Variants in ITFG1 observed in about 807,000 individuals in gnomAD.
The protein encoded by ITFG1 is T-cell immunomodulatory protein.
In ITFG1, 34 loss-of-function variants were observed where a neutral mutation model predicts 81.8. The ratio of observed to expected loss-of-function variants is 0.42; its 90% CI spans 0.32 to 0.55. ITFG1 has a LOEUF of 0.55. Ranked by LOEUF, ITFG1 falls within the 20% of genes least tolerant of loss-of-function variation. The probability of loss-of-function intolerance (pLI) is 0.17; values close to 1 mark genes in which losing one functional copy is unlikely to be tolerated. For synonymous variants in ITFG1, 285 were observed against 270.6 expected (o/e 1.05, Z -0.52); for missense variants, 672 against 755.4 (o/e 0.89, Z 1.29).
intron 16 of ITFG1, 54 bp from the exon 17 acceptor site, chr16:47,159,044 A>C: frequency 1.0e-6 from 1 of 986,560 alleles, no homozygotes; most frequent in Non-Finnish European, 1.5e-6. Context: ...AAAAATAACA[A>C]AGTTATATTG....
chr16:47,443,093 G>A (rs2151615428), intron 5 of ITFG1, among the ~76,000 whole-genome samples: 1 of 152,264 alleles, frequency 6.6e-6, no homozygotes, highest in Middle Eastern at 3.4e-3. Flanking sequence ...CAAAGGGCAT[G>A]AACAGACACT....
At chr16:47,310,798 AATTATTACACTT>A (rs1198553306) in intron 10 of ITFG1, among the ~76,000 whole-genome samples, 4 of 152,222 alleles carry the variant, frequency 2.6e-5, no homozygotes, top group African/African-American at 9.6e-5. Flanking sequence ...ACAGAGGTAC[AATTATTACACTT>A]ATTTCACACA....
At chr16:47,337,805 G>C (rs1004417705) in intron 8 of ITFG1, among the ~76,000 whole-genome samples, 1 of 152,230 alleles carries the variant, frequency 6.6e-6, no homozygotes, top group African/African-American at 2.4e-5. Context: ...AGGGCAAGAT[G>C]TGTGCTCAGA....
At chr16:47,376,385 A>G (rs919103864) in intron 6 of ITFG1, among the ~76,000 whole-genome samples, 4 of 152,204 alleles carry the variant, frequency 2.6e-5, no homozygotes, top group Non-Finnish European at 5.9e-5. Flanking sequence ...TTTTGCACTC[A>G]TGTTAAATGA....
At chr16:47,168,877 T>C (rs1009799180) in intron 14 of ITFG1, among the ~76,000 whole-genome samples, 1 of 152,184 alleles carries the variant, frequency 6.6e-6, no homozygotes, top group Non-Finnish European at 1.5e-5. Context: ...CCTTGATCCA[T>C]GAGTTAATTA....
chr16:47,295,965 C>T (rs1288711844), intron 10 of ITFG1, among the ~76,000 whole-genome samples: 2 of 152,176 alleles, frequency 1.3e-5, no homozygotes, highest in Non-Finnish European at 2.9e-5. Context: ...GTGGCACAAT[C>T]GTGACTTATT....
chr16:47,456,399 G>C (rs1201993488), intron 2 of ITFG1, among the ~76,000 whole-genome samples: 1 of 152,118 alleles, frequency 6.6e-6, no homozygotes, highest in African/African-American at 2.4e-5. Flanking sequence ...ACTTTTAAGA[G>C]TGGGTAGATG....
intron 12 of ITFG1, among the ~76,000 whole-genome samples, chr16:47,240,759 C>T (rs957763329): frequency 1.3e-5 from 2 of 152,112 alleles, no homozygotes; most frequent in Admixed American, 6.5e-5. Context: ...TATGGATGAA[C>T]CCTGAAGGCA....
intron 10 of ITFG1, among the ~76,000 whole-genome samples, chr16:47,310,362 C>T (rs559057975): frequency 5.3e-5 from 8 of 151,948 alleles, no homozygotes; most frequent in Admixed American, 3.9e-4. Context: ...GTAATTCTAG[C>T]GTCAACAAAT....
intron 12 of ITFG1, among the ~76,000 whole-genome samples, chr16:47,253,445 T>C (rs1966101467): frequency 6.6e-6 from 1 of 152,218 alleles, no homozygotes; most frequent in African/African-American, 2.4e-5. Context: ...GTCTCACTAT[T>C]TAATGATGTA....
intron 10 of ITFG1, among the ~76,000 whole-genome samples, chr16:47,262,043 C>T (rs1966214580): frequency 6.6e-6 from 1 of 152,196 alleles, no homozygotes; most frequent in African/African-American, 2.4e-5. Context: ...TACTGTGGCT[C>T]TGGGTGAGTT....
chr16:47,345,121 G>T (rs923431300), intron 8 of ITFG1, among the ~76,000 whole-genome samples: 4 of 152,246 alleles, frequency 2.6e-5, no homozygotes, highest in Admixed American at 2.6e-4. Flanking sequence ...AAAACAGTAG[G>T]TAAGGCAGGA....
In ITFG1 at chr16:47,459,154, A is replaced by T; in HGVS notation, c.230T>A (p.Leu77Ter). The T allele has an allele frequency of 6.3e-7, 1 of 1,597,416 alleles. No homozygotes were observed. The highest frequency in any genetic ancestry group is 8.6e-7 in the Non-Finnish European group (1 of 1,165,146). Residue 77 changes from leucine to a stop codon, truncating the protein, a stop_gained, in exon 2 of 18, where the codon TTG (leucine) becomes TAG (stop). Transcript: ENST00000320640. LOFTEE classifies it high-confidence loss of function. ...LRERNDLIVF[L>*]ADQNAPYFKP... ...AAAATAGGGTGCATTCTGGTCTGCC[A>T]AAAAGACGATTAAGTCATTTCCTAA...
In ITFG1 at chr16:47,268,920, C is replaced by T. The variant is rs188841336; in HGVS notation, c.1071-8225G>A. On this transcript the variant is annotated intron_variant, in intron 10 of 17. Coordinates refer to ENST00000320640, the MANE Select transcript of ITFG1 (RefSeq NM_030790.5). ...AAAAAAAGGAAAATAATACAATCAT[C>T]TAATAAAAGGCAGAAAAAGGATCTG... 1.9e-4 allele frequency among the ~76,000 whole-genome samples: 29 copies of T among 152,304 alleles called. No individual in the cohort carries two copies. The East Asian group carries it at 5.4e-3, about 28-fold the overall frequency.
chr16:47,271,835 GGCGACAGA>G (rs1218527240), intron 10 of ITFG1, among the ~76,000 whole-genome samples: 4 of 152,140 alleles, frequency 2.6e-5, no homozygotes, highest in Non-Finnish European at 5.9e-5. Flanking sequence ...CTCCAGCCTG[GGCGACAGA>G]GCGAGATTCC....
intron 8 of ITFG1, among the ~76,000 whole-genome samples, chr16:47,338,945 C>G (rs1967745762): frequency 1.3e-5 from 2 of 152,216 alleles, no homozygotes; most frequent in African/African-American, 4.8e-5. Context: ...ACCATCGCCA[C>G]TTCCCTACTA....
At chr16:47,246,276 C>T (rs1422675062) in intron 12 of ITFG1, among the ~76,000 whole-genome samples, 1 of 152,092 alleles carries the variant, frequency 6.6e-6, no homozygotes, top group Non-Finnish European at 1.5e-5. Flanking sequence ...TAAATGTAAC[C>T]TTAACTTTGC....
intron 8 of ITFG1, among the ~76,000 whole-genome samples, chr16:47,345,796 T>C (rs910975488): frequency 6.6e-6 from 1 of 152,198 alleles, no homozygotes; most frequent in African/African-American, 2.4e-5. Context: ...TATAATTTCA[T>C]GGGACTACCA....
chr16:47,230,493 AG>A (rs1965803802), intron 13 of ITFG1, among the ~76,000 whole-genome samples: 2 of 152,160 alleles, frequency 1.3e-5, no homozygotes, highest in African/African-American at 4.8e-5. Context: ...GGGTTTCAGA[AG>A]GTACATATGT....
Sources: allele counts gnomAD v4.1 joint callset (sites outside exome capture counted in the v4.1 genomes callset), GRCh38; gene constraint gnomAD v4.1.1; transcripts MANE v1.5; gene names NCBI Gene and HGNC (gene_info 2026-07-23, HGNC 2026-07-21).